The following KIAA0319 variants were observed in gnomAD, a reference collection of about 807,000 sequenced individuals.
KIAA0319 encodes KIAA0319.
KIAA0319 carries 83 observed loss-of-function variants against 108.4 expected under a neutral mutation model. The observed-to-expected ratio is 0.77, with a 90% CI of 0.64 to 0.92. KIAA0319 has a LOEUF of 0.92. Ranked by LOEUF, KIAA0319 falls within the 40% of genes least tolerant of loss-of-function variation. The pLI, the probability that KIAA0319 is intolerant of heterozygous loss-of-function variation, is 0.00. For missense variants in KIAA0319, 1,195 were observed against 1,322.4 expected, an observed-to-expected ratio of 0.90 and a Z score of 1.49; for synonymous variants, 484 against 510.4, an observed-to-expected ratio of 0.95 and a Z score of 0.70.
intron 1 of KIAA0319, among the ~76,000 whole-genome samples, chr6:24,615,312 T>A (rs1202172291): frequency 6.6e-6 from 1 of 152,118 alleles, no homozygotes; most frequent in Non-Finnish European, 1.5e-5. Context: ...ATATACACAT[T>A]GGTATTATTG....
Position 24,582,282 on chromosome 6 carries a change from T to A in KIAA0319, c.1158A>T (p.Lys386Asn). 1 of 1,611,270 alleles carries A rather than the reference T, an allele frequency of 6.2e-7. No homozygotes were observed. Among genetic ancestry groups the A allele is most frequent in the Non-Finnish European group, 8.5e-7 (1 of 1,177,564 alleles). ...SHPTDYQGEI[K>N]QGHKQTLNLS... is the part of the protein sequence containing the mutation. Reference sequence around the variant, plus strand: ...GGTTAAGAGTTTGCTTGTGTCCTTGTTTTATTTCACCTTGGTAGTCTGTGG... The same window carrying A: ...GGTTAAGAGTTTGCTTGTGTCCTTGATTTATTTCACCTTGGTAGTCTGTGG... Residue 386 changes from lysine to asparagine, a missense_variant, in exon 6 of 21, where the codon AAA (lysine) becomes AAT (asparagine). Transcript: ENST00000378214.
chr6:24,559,184 C>A, intron 16 of KIAA0319, 29 bp from the exon 17 acceptor site: 1 of 1,607,440 alleles, frequency 6.2e-7, no homozygotes, highest in Non-Finnish European at 8.5e-7. Flanking sequence ...GAGAGGACAG[C>A]CACATGGTCA....
intron 1 of KIAA0319, 133 bp from the exon 2 acceptor site, chr6:24,601,341 C>A: frequency 7.5e-7 from 1 of 1,333,048 alleles, no homozygotes; most frequent in Non-Finnish European, 9.6e-7. Context: ...ACAACCCAGG[C>A]AAACATCCAC....
chr6:24,629,192 A>G (rs1445660354), intron 1 of KIAA0319, among the ~76,000 whole-genome samples: 1 of 152,114 alleles, frequency 6.6e-6, no homozygotes, highest in African/African-American at 2.4e-5. Context: ...GTTTTCTTTC[A>G]TCTCTGACCA....
chr6:24,564,203 T>C lies in KIAA0319; in HGVS notation c.2430A>G (p.Pro810=). The C allele has an allele frequency of 6.2e-7, 1 of 1,614,112 alleles. No individual in the cohort carries two copies. Among genetic ancestry groups the C allele is most frequent in the Non-Finnish European group, 8.5e-7 (1 of 1,180,002 alleles). ...DTDTATVEVQ[P]DPRKSGLVEL... ...CAGCTCCAGAGCCCAGGAACTCACC[T>C]GGCTGCACTTCCACAGTGGCAGTGT... is the stretch of plus-strand genomic sequence containing the variant. The change falls in exon 15 of 21, where the codon CCA becomes CCG. Residue 810 remains proline, a splice_region_variant and synonymous_variant. Transcript: ENST00000378214.
At chr6:24,637,118 C>T (rs2127594693) in intron 1 of KIAA0319, among the ~76,000 whole-genome samples, 1 of 152,310 alleles carries the variant, frequency 6.6e-6, no homozygotes, top group South Asian at 2.1e-4. Context: ...AGATGAAGCA[C>T]AATCAAAGCA....
intron 1 of KIAA0319, among the ~76,000 whole-genome samples, chr6:24,645,346 A>G (rs968040843): frequency 2.0e-5 from 3 of 152,238 alleles, no homozygotes; most frequent in Non-Finnish European, 2.9e-5. Flanking sequence ...AATTTGTGAC[A>G]TTCCTTGGAG....
rs1561990454 is a variant in KIAA0319 at position 24,582,270 on chromosome 6, C to T, written c.1170G>A (p.Lys390=). Residue 390 remains lysine, a synonymous_variant, in exon 6 of 21, where the codon AAG becomes AAA. Coordinates refer to ENST00000378214, the MANE Select transcript of KIAA0319 (RefSeq NM_014809.4). The part of the protein sequence containing the change: ...DYQGEIKQGH[K]QTLNLSQLSV... ...TTACTTGAGAGAGGTTAAGAGTTTG[C>T]TTGTGTCCTTGTTTTATTTCACCTT... 1.2e-6 allele frequency: 2 copies of T among 1,602,530 alleles called. No individual in the cohort carries two copies. The highest frequency in any genetic ancestry group is 1.7e-5 in the Admixed American group (1 of 59,980).
intron 10 of KIAA0319, 39 bp downstream of exon 10, chr6:24,576,329 C>G: frequency 1.3e-6 from 2 of 1,535,134 alleles, no homozygotes; most frequent in Non-Finnish European, 9.0e-7. Context: ...GACAGACAGA[C>G]AGACAGACAA....
At chr6:24,566,556 A>T in intron 14 of KIAA0319, 41 bp downstream of exon 14, 1 of 1,548,402 alleles carries the variant, frequency 6.5e-7, no homozygotes, top group Non-Finnish European at 8.7e-7. Flanking sequence ...ATGCAGATGT[A>T]ATGATAAGTG....
At chr6:24,562,547 A>C (rs917894957) in intron 16 of KIAA0319, among the ~76,000 whole-genome samples, 7 of 152,206 alleles carry the variant, frequency 4.6e-5, no homozygotes, top group African/African-American at 1.4e-4. Context: ...AAGACTTTAA[A>C]AGTAAAATTC....
rs1487987823 is a variant in KIAA0319, at chr6:24,596,256, C to G, written c.418G>C (p.Asp140His). 1 of 1,614,088 alleles carries G rather than the reference C, an allele frequency of 6.2e-7. No homozygotes were observed. The highest frequency in any genetic ancestry group is 8.5e-7 in the Non-Finnish European group (1 of 1,180,052). ...CAATCTTTGCCTAGAAAGGTCAAGT[C>G]CTTTCTGATATCCTCAGGTGAGTCC... is the stretch of plus-strand genomic sequence containing the variant. ...WGDSPEDIRK[D>H]LTFLGKDWGL... The change falls in exon 3 of 21, where the codon GAC becomes CAC. Residue 140 changes from aspartate (D) to histidine (H), a missense_variant. Asp to His is a moderately conservative substitution (Grantham distance 81). Coordinates refer to ENST00000378214, the MANE Select transcript of KIAA0319 (RefSeq NM_014809.4).
chr6:24,550,602 T>C (rs2127410924), intron 20 of KIAA0319, among the ~76,000 whole-genome samples: 1 of 152,334 alleles, frequency 6.6e-6, no homozygotes, highest in African/African-American at 2.4e-5. Context: ...AGCCTTTGTG[T>C]CCATCTTTAT....
chr6:24,631,432 G>A (rs1349433029), intron 1 of KIAA0319, among the ~76,000 whole-genome samples: 2 of 152,198 alleles, frequency 1.3e-5, no homozygotes, highest in East Asian at 1.9e-4. Flanking sequence ...TGTAGTGAAG[G>A]AGTATACGTT....
At chr6:24,564,125 C>A in intron 15 of KIAA0319, 77 bp downstream of exon 15, 1 of 1,579,256 alleles carries the variant, frequency 6.3e-7, no homozygotes, top group South Asian at 1.2e-5. Flanking sequence ...CCACACTGGT[C>A]ACATCTGTCA....
Position 24,572,665 on chromosome 6 carries a change from T to C in KIAA0319, c.1768A>G (p.Met590Val), listed in dbSNP as rs146550659. ...TGAAATGTATAATCTCCTTCCTGCATTGCAGATAAATGAAGGTATGGCGTC... is the reference window on the plus strand; with the variant it reads ...TGAAATGTATAATCTCCTTCCTGCACTGCAGATAAATGAAGGTATGGCGTC... ...VQTPYLHLSA[M>V]QEGDYTFQLK... Residue 590 changes from methionine to valine, a missense_variant, in exon 11 of 21, where the codon ATG (methionine) becomes GTG (valine). Physicochemically the swap from Met to Val is conservative, Grantham distance 21 (BLOSUM62 1). Coordinates refer to ENST00000378214, the MANE Select transcript of KIAA0319 (RefSeq NM_014809.4). 4.4e-4 allele frequency: 717 copies of C among 1,613,860 alleles called. 4 individuals carry two copies. The African/African-American group carries it at 6.4e-3, about 14-fold the overall frequency.
intron 1 of KIAA0319, among the ~76,000 whole-genome samples, chr6:24,617,426 T>A (rs568454806): frequency 9.1e-4 from 138 of 152,256 alleles, no homozygotes; most frequent in African/African-American, 2.0e-3. Context: ...TTGAGATTGC[T>A]GGGGAAAATA....
chr6:24,621,205 G>C (rs1406194508), intron 1 of KIAA0319, among the ~76,000 whole-genome samples: 3 of 152,178 alleles, frequency 2.0e-5, no homozygotes, highest in African/African-American at 7.2e-5. Flanking sequence ...GGAGATTCCT[G>C]AAGACAAAAA....
intron 4 of KIAA0319, among the ~76,000 whole-genome samples, chr6:24,587,067 C>T (rs1767620625): frequency 6.6e-6 from 1 of 152,144 alleles, no homozygotes; most frequent in African/African-American, 2.4e-5. Context: ...AGCCCAACTG[C>T]TCATCTAATT....
Sources: gnomAD v4.1 joint callset for allele counts (sites outside exome capture counted in the v4.1 genomes callset) on GRCh38, gnomAD v4.1.1 for gene constraint, MANE v1.5 for transcripts, NCBI Gene and HGNC (gene_info 2026-07-23, HGNC 2026-07-21) for gene names.